CDKL5: variants seen among roughly 807,000 people sequenced by gnomAD.
CDKL5 encodes cyclin dependent kinase like 5, also known as cyclin-dependent kinase-like 5.
In CDKL5, 8 loss-of-function variants were observed where a neutral mutation model predicts 61.7. The ratio of observed to expected loss-of-function variants is 0.13; its 90% confidence interval spans 0.08 to 0.23. The LOEUF (loss-of-function observed/expected upper bound fraction) is 0.23. Among genes scored for constraint, CDKL5 ranks in the 10% least tolerant of loss-of-function variants. The pLI is 1.00. For missense variants in CDKL5, 440 were observed against 734.5 expected (o/e 0.60, Z 4.63); for synonymous variants, 275 against 272.3 (o/e 1.01, Z -0.10).
rs1927251980 is a variant in CDKL5 at position 18,632,036 on chromosome X, A to G, written c.*3279A>G. The G allele has an allele frequency of 1.6e-6, 1 of 634,641 alleles. No homozygotes were observed. The highest frequency in any genetic ancestry group is 1.9e-6 in the Non-Finnish European group (1 of 531,538). 52.3% of individuals were successfully genotyped at this position (634,641 alleles called of 1,213,427 possible). A position where few individuals can be genotyped will look rare whatever the true frequency, so the allele number is the denominator to read the frequency against. On this transcript the variant is annotated 3_prime_UTR_variant, in exon 18 of 18. Transcript: ENST00000623535. ...TGCTACTAAACACCCTGCCATGCAC[A>G]GGACAGCCCCCCAAACAAACAGTGG... is the stretch of plus-strand genomic sequence containing the variant.
intron 3 of CDKL5, among the ~76,000 whole-genome samples, chrX:18,513,162 A>G (rs1332509174): frequency 8.9e-6 from 1 of 112,021 alleles, no homozygotes; most frequent in African/African-American, 3.2e-5. Flanking sequence ...ACTTTCATGT[A>G]ACTTTAAGCT....
chrX:18,449,425 T>A (rs910509284), intron 1 of CDKL5, among the ~76,000 whole-genome samples: 1 of 112,112 alleles, frequency 8.9e-6, no homozygotes, highest in South Asian at 3.7e-4. Context: ...GCCGAGAATG[T>A]CTTTTAAAGT....
rs201816691 is a variant in CDKL5 at position 18,481,320 on chromosome X, GTTTCTTTCTTTCTTTCTTTCTTTCTTTC to G, written c.-162-25591_-162-25564del. Among the ~76,000 whole-genome samples, 60 of 84,689 alleles carry G rather than the reference GTTTCTTTCTTTCTTTCTTTCTTTCTTTC, an allele frequency of 7.1e-4. 1 individual carries two copies. Among genetic ancestry groups the G allele is most frequent in the African/African-American group, 2.6e-3 (56 of 21,604 alleles). The allele number at this position is 84,689 out of a possible 115,157, so 73.5% of individuals were successfully genotyped here. On this transcript the variant is annotated intron_variant, in intron 1 of 17. Transcript: ENST00000623535. ...TCAGCCATTTCACCAAAGAGTCCTG[GTTTCTTTCTTTCTTTCTTTCTTTCTTTC>G]TTTCTTTCTTTCTTTCTTTCTTTTG...
chrX:18,551,416 G>A (rs1480739533), intron 3 of CDKL5, among the ~76,000 whole-genome samples: 1 of 108,649 alleles, frequency 9.2e-6, no homozygotes. Context: ...ACTTACAAAG[G>A]ATTTCTGGAT....
At chrX:18,609,688 G>A (rs985652633) in intron 14 of CDKL5, 118 bp downstream of exon 14, 21 of 1,107,462 alleles carry the variant, frequency 1.9e-5, no homozygotes, top group African/African-American at 9.2e-5. Context: ...GCCTTCCAGC[G>A]GTTCTCCCTG....
chrX:18,438,519 G>A lies in CDKL5; in HGVS notation c.-163+12824G>A, dbSNP rs190391592. On this transcript the variant is annotated intron_variant, in intron 1 of 17. Coordinates refer to ENST00000623535, the MANE Select transcript of CDKL5 (RefSeq NM_001323289.2). ...AAAAGACAAGGATCTGGCTGGCCGCGGTGGCTCATGCCTGTAATTCCAGCA... is the reference window on the plus strand; with the variant it reads ...AAAAGACAAGGATCTGGCTGGCCGCAGTGGCTCATGCCTGTAATTCCAGCA... 8.5e-3 allele frequency among the ~76,000 whole-genome samples: 928 copies of A among 109,108 alleles called. 9 individuals are homozygous for A. Among genetic ancestry groups the A allele is most frequent in the African/African-American group, 0.029 (860 of 30,063 alleles). The allele number at this position is 109,108 out of a possible 115,157, so 94.7% of individuals were successfully genotyped here.
chrX:18,592,119 G>A (rs1013443351), intron 9 of CDKL5, among the ~76,000 whole-genome samples: 11 of 112,455 alleles, frequency 9.8e-5, no homozygotes, highest in Non-Finnish European at 1.5e-4. Context: ...TAATGGGGCT[G>A]TATGCCGGAT....
chrX:18,438,861 T>C (rs1414203683), intron 1 of CDKL5, among the ~76,000 whole-genome samples: 1 of 106,889 alleles, frequency 9.4e-6, no homozygotes, highest in Non-Finnish European at 1.9e-5. Flanking sequence ...CAAGAAGTAA[T>C]GTTTATTTAT....
chrX:18,584,349 CT>C lies in CDKL5; in HGVS notation c.552del (p.Gly185AlafsTer43). On this transcript the variant is annotated frameshift_variant, in exon 8 of 18. Coordinates refer to ENST00000623535, the MANE Select transcript of CDKL5 (RefSeq NM_001323289.2). LOFTEE classifies it high-confidence loss of function. Reference sequence around the variant, plus strand: ...ATGGTATCGGTCCCCAGAACTCTTACTTGGGTGAGTTACCGTCCCAAAATAG... The same window carrying C: ...ATGGTATCGGTCCCCAGAACTCTTACTGGGTGAGTTACCGTCCCAAAATAG... ...TRWYRSPELL[L>X]GAPYGKSVDM... 1 of 1,158,942 alleles carries C rather than the reference CT, an allele frequency of 8.6e-7. No homozygotes were observed. Among genetic ancestry groups the C allele is most frequent in the Non-Finnish European group, 1.2e-6 (1 of 847,107 alleles).
Position 18,630,243 on chromosome X carries a change from C to G in CDKL5, c.*1486C>G, listed in dbSNP as rs949904382. ...TATCTTCCCCTCATCTGATCTCTTT[C>G]AGCTCCCAAGTTACTCCCAAGTATC... On this transcript the variant is annotated 3_prime_UTR_variant, in exon 18 of 18. Coordinates refer to ENST00000623535, the MANE Select transcript of CDKL5 (RefSeq NM_001323289.2). The G allele has an allele frequency of 2.7e-6, 2 of 751,459 alleles. No individual in the cohort carries two copies. The highest frequency in any genetic ancestry group is 4.7e-5 in the African/African-American group (2 of 42,835). The allele number at this position is 751,459 out of a possible 1,213,427, so 61.9% of individuals were successfully genotyped here.
chrX:18,646,106 C>T lies in CDKL5; in HGVS notation c.2797+16C>T, dbSNP rs778757202. 7.0e-5 allele frequency: 85 copies of T among 1,209,553 alleles called. No homozygotes were observed. The highest frequency in any genetic ancestry group is 1.9e-4 in the African/African-American group (11 of 57,071). ...GAACAACAAGGTAGAGTCTGGGCCC[C>T]GCATGCCATCAAGCTGCCATAACGA... On this transcript the variant is annotated intron_variant, in intron 20 of 21. Coordinates refer to the CDKL5 transcript ENST00000379989.
chrX:18,426,317 A>G (rs886249016), intron 1 of CDKL5: 22 of 113,023 alleles, frequency 1.9e-4, no homozygotes, highest in Admixed American at 5.5e-4. Context: ...GGGAAGAAGA[A>G]TGGCCCCTTC....
chrX:18,475,049 T>G (rs1318921765), intron 1 of CDKL5, among the ~76,000 whole-genome samples: 4 of 108,136 alleles, frequency 3.7e-5, no homozygotes, highest in Non-Finnish European at 7.7e-5. Flanking sequence ...CGCTACCTCC[T>G]GGGTTCAAGC....
chrX:18,564,541 A>C lies in CDKL5; in HGVS notation c.145+19A>C. ...AGTGAAGGTAGATATATATATATATATATATATATCTGTATATATGTATTT... is the reference window on the plus strand; with the variant it reads ...AGTGAAGGTAGATATATATATATATCTATATATATCTGTATATATGTATTT... On this transcript the variant is annotated intron_variant, in intron 4 of 17. Transcript: ENST00000623535. The C allele has an allele frequency of 1.6e-6, 1 of 631,294 alleles. No individual in the cohort carries two copies. The highest frequency in any genetic ancestry group is 2.2e-6 in the Non-Finnish European group (1 of 448,744). 52.0% of individuals were successfully genotyped at this position (631,294 alleles called of 1,213,427 possible).
intron 1 of CDKL5, among the ~76,000 whole-genome samples, chrX:18,440,787 G>A (rs1241080976): frequency 9.0e-6 from 1 of 111,486 alleles, no homozygotes; most frequent in African/African-American, 3.3e-5. Flanking sequence ...GGCCGTTAGT[G>A]CTGGTATTTG....
Position 18,632,656 on chromosome X carries a change from A to T in CDKL5, c.*3899A>T. 6 of 754,184 alleles carry T rather than the reference A, an allele frequency of 8.0e-6. No individual in the cohort carries two copies. The South Asian group carries it at 3.4e-4, about 42-fold the overall frequency. The allele number at this position is 754,184 out of a possible 1,213,427, so 62.2% of individuals were successfully genotyped here. On this transcript the variant is annotated 3_prime_UTR_variant, in exon 18 of 18. Transcript: ENST00000623535. ...ACATGCTTTAAGATTCACCTTACGCAGTTGTACTTTAATTCTAAGCTCAGA... is the reference window on the plus strand; with the variant it reads ...ACATGCTTTAAGATTCACCTTACGCTGTTGTACTTTAATTCTAAGCTCAGA...
rs1491242962 is a variant in CDKL5, at chrX:18,651,264, T to TGTGTGAGA, written c.2980+673_2980+674insTGTGAGAG. ...GTGTGTGTGTGTGTGTGTGTGTGTG[T>TGTGTGAGA]GAGAGAGAGAGAGAGAGAGAGAGAC... On this transcript the variant is annotated intron_variant, in intron 21 of 21. Coordinates refer to the CDKL5 transcript ENST00000379989. 5.3e-3 allele frequency among the ~76,000 whole-genome samples: 364 copies of TGTGTGAGA among 68,994 alleles called. 7 individuals carry two copies. Among genetic ancestry groups the TGTGTGAGA allele is most frequent in the African/African-American group, 0.021 (335 of 15,963 alleles). 59.9% of individuals were successfully genotyped at this position (68,994 alleles called of 115,157 possible). A position where few individuals can be genotyped will look rare whatever the true frequency, so the allele number is the denominator to read the frequency against.
In CDKL5 at chrX:18,553,464, G is replaced by A. The variant is rs762353273; in HGVS notation, c.100-11013G>A. On this transcript the variant is annotated intron_variant, in intron 3 of 17. Coordinates refer to ENST00000623535, the MANE Select transcript of CDKL5 (RefSeq NM_001323289.2). ...GGCTTGAAGGCAGTTGTGTGTGTGT[G>A]CGTGTGTGTGTGTGTGTGTGTGTGT... Among the ~76,000 whole-genome samples, 440 of 100,057 alleles carry A rather than the reference G, an allele frequency of 4.4e-3. 2 individuals are homozygous for A. The highest frequency in any genetic ancestry group is 0.017 in the African/African-American group (427 of 24,908). The allele number at this position is 100,057 out of a possible 115,157, so 86.9% of individuals were successfully genotyped here. A position where few individuals can be genotyped will look rare whatever the true frequency, so the allele number is the denominator to read the frequency against.
chrX:18,483,113 T>C (rs1314539309), intron 1 of CDKL5, among the ~76,000 whole-genome samples: 3 of 111,921 alleles, frequency 2.7e-5, no homozygotes, highest in Non-Finnish European at 5.6e-5. Context: ...TTATTGGCCT[T>C]CTTATTACAT....
Sources: gnomAD v4.1 joint callset for allele counts (sites outside exome capture counted in the v4.1 genomes callset) on GRCh38, gnomAD v4.1.1 for gene constraint, MANE v1.5 for transcripts, NCBI Gene and HGNC (gene_info 2026-07-23, HGNC 2026-07-21) for gene names.